The following ZNF831 variants were observed in gnomAD, a reference collection of about 807,000 sequenced individuals.
ZNF831 encodes zinc finger protein 831.
In ZNF831, 59 loss-of-function variants were observed where a neutral mutation model predicts 95.8. The ratio of observed to expected loss-of-function variants is 0.62; its 90% CI spans 0.50 to 0.77. The LOEUF is 0.77. Among genes scored for constraint, ZNF831 ranks in the 30% least tolerant of loss-of-function variants. ZNF831 has a pLI of 0.00. For synonymous variants in ZNF831, 961 were observed against 925.5 expected (o/e 1.04, Z -0.70); for missense variants, 2,205 against 2,164.0 (o/e 1.02, Z -0.38).
chr20:59,184,408 C>G (rs1039918887), intron 1 of ZNF831, among the ~76,000 whole-genome samples: 7 of 152,242 alleles, frequency 4.6e-5, no homozygotes, highest in African/African-American at 1.4e-4. Flanking sequence ...CCTCCCTCCC[C>G]CCTTTTTTTT....
intron 1 of ZNF831, among the ~76,000 whole-genome samples, chr20:59,174,437 G>A (rs906891213): frequency 3.9e-5 from 6 of 152,174 alleles, no homozygotes; most frequent in African/African-American, 1.4e-4. Context: ...GGAGTGAAGA[G>A]TAGAAATCTC....
chr20:59,193,074 C>G lies in ZNF831; in HGVS notation c.2055C>G (p.Ser685=), dbSNP rs372130636. ...GGACCCCTGTCCATGAGGACATATCCGCAGGGGCAACGCCAGAGCCTTGGG... is the reference window on the plus strand; with the variant it reads ...GGACCCCTGTCCATGAGGACATATCGGCAGGGGCAACGCCAGAGCCTTGGG... The part of the protein sequence containing the change: ...DRRTPVHEDI[S]AGATPEPWGN... Residue 685 remains serine (S), a synonymous_variant, in exon 2 of 6, where the codon TCC becomes TCG. Transcript: ENST00000371030. 3.8e-6 allele frequency: 6 copies of G among 1,593,270 alleles called. No individual in the cohort carries two copies. Among genetic ancestry groups the G allele is most frequent in the Non-Finnish European group, 4.3e-6 (5 of 1,170,022 alleles).
At position 59,254,005 on chromosome 20, in the gene ZNF831, C is replaced by A. The variant is rs757757308; in HGVS notation, c.4296C>A (p.Asp1432Glu). 2 of 1,614,018 alleles carry A rather than the reference C, an allele frequency of 1.2e-6. No homozygotes were observed. Among genetic ancestry groups the A allele is most frequent in the Non-Finnish European group, 1.7e-6 (2 of 1,180,024 alleles). ...ACACCTGCCTGGCAGTGGTTAATGACGTGCCTCTACCCCCTGGCAAAGGTC... is the reference window on the plus strand; with the variant it reads ...ACACCTGCCTGGCAGTGGTTAATGAAGTGCCTCTACCCCCTGGCAAAGGTC... ...QSDTCLAVVN[D>E]VPLPPGKGLD... Residue 1432 changes from aspartate (D) to glutamate (E), a missense_variant, in exon 6 of 6, where the codon GAC (aspartate) becomes GAA (glutamate). Asp to Glu is a conservative substitution (Grantham distance 45, BLOSUM62 2). Transcript: ENST00000371030. This position sits in a 1 kb window ranked among gnomAD's most constrained non-coding sequence, Gnocchi z 4.5.
chr20:59,192,197 G>A lies in ZNF831; in HGVS notation c.1178G>A (p.Arg393Gln), dbSNP rs1397049381. 2.5e-6 allele frequency: 4 copies of A among 1,575,824 alleles called. No homozygotes were observed. Among genetic ancestry groups the A allele is most frequent in the Non-Finnish European group, 3.4e-6 (4 of 1,162,646 alleles). Residue 393 changes from arginine (R) to glutamine (Q), a missense_variant, in exon 2 of 6, where the codon CGA (arginine) becomes CAA (glutamine). By Grantham distance (43) the Arg-to-Gln change is conservative (BLOSUM62 1). Transcript: ENST00000371030. The surrounding 1 kb of genome is among the most constrained non-coding windows in gnomAD (Gnocchi z 5.2). ...GTCGCAGGGGCCGAGCCCGGGGCGC[G>A]AGAAGCCGGCCTGGAGCTGGAGAAG... ...PGVAGAEPGA[R>Q]EAGLELEKKR...
intron 2 of ZNF831, among the ~76,000 whole-genome samples, chr20:59,150,357 C>T (rs934553065): frequency 1.3e-5 from 2 of 152,094 alleles, no homozygotes; most frequent in Non-Finnish European, 2.9e-5. Flanking sequence ...CAGTGGACCT[C>T]GGGTCACAGG....
intron 4 of ZNF831, among the ~76,000 whole-genome samples, chr20:59,223,755 C>T (rs1260405027): frequency 1.3e-5 from 2 of 152,230 alleles, no homozygotes; most frequent in Non-Finnish European, 2.9e-5. Context: ...TCTAGCTCTA[C>T]GGGGAAGGCA....
chr20:59,147,359 T>C (rs891773903), intron 2 of ZNF831, among the ~76,000 whole-genome samples: 1 of 152,218 alleles, frequency 6.6e-6, no homozygotes, highest in Non-Finnish European at 1.5e-5. Context: ...CCAGCCCTTC[T>C]TAATGGGAGC....
intron 4 of ZNF831, among the ~76,000 whole-genome samples, chr20:59,216,453 T>G (rs979302728): frequency 6.6e-6 from 1 of 152,236 alleles, no homozygotes; most frequent in Non-Finnish European, 1.5e-5. Flanking sequence ...AGTTTCACTC[T>G]GTCGCCCAGG....
At position 59,192,002 on chromosome 20, in the gene ZNF831, A is replaced by T. The variant is rs2146557827; in HGVS notation, c.983A>T (p.Asp328Val). The T allele has an allele frequency of 6.2e-7, 1 of 1,608,620 alleles. No individual in the cohort carries two copies. Among genetic ancestry groups the T allele is most frequent in the African/African-American group, 1.3e-5 (1 of 74,898 alleles). ...GCGACGGCAGCGGAGAAGCCCTGGG[A>T]TGCCAAGGCCCCCGAGGGCCGGCTG... ...QQATAAEKPW[D>V]AKAPEGRLRK... Residue 328 changes from aspartate (D) to valine (V), a missense_variant, in exon 2 of 6, where the codon GAT becomes GTT. Asp to Val is a radical substitution (Grantham distance 152, BLOSUM62 -3). Coordinates refer to ENST00000371030, the MANE Select transcript of ZNF831 (RefSeq NM_178457.3). This position sits in a 1 kb window ranked among gnomAD's most constrained non-coding sequence, Gnocchi z 5.2.
chr20:59,208,160 G>T lies in ZNF831; in HGVS notation c.4027+1104G>T, dbSNP rs536352910. On this transcript the variant is annotated intron_variant, in intron 4 of 5. Transcript: ENST00000371030. This position sits in a 1 kb window ranked among gnomAD's most constrained non-coding sequence, Gnocchi z 4.2. ...GTCAAGCCCCATGTGGGAGAGGCTGGGATGCAGGGGGTTGGGTAGGTGGAA... is the reference window on the plus strand; with the variant it reads ...GTCAAGCCCCATGTGGGAGAGGCTGTGATGCAGGGGGTTGGGTAGGTGGAA... 3.0e-4 allele frequency among the ~76,000 whole-genome samples: 45 copies of T among 152,236 alleles called. No individual in the cohort carries two copies. The highest frequency in any genetic ancestry group is 5.0e-4 in the Non-Finnish European group (34 of 68,044).
intron 3 of ZNF831, among the ~76,000 whole-genome samples, chr20:59,197,988 A>G (rs1039998262): frequency 1.3e-5 from 2 of 152,164 alleles, no homozygotes; most frequent in African/African-American, 4.8e-5. Flanking sequence ...CATCATTGGA[A>G]AGATGTGGGG....
At chr20:59,228,113 C>A (rs1295529919) in intron 4 of ZNF831, among the ~76,000 whole-genome samples, 2 of 152,162 alleles carry the variant, frequency 1.3e-5, no homozygotes, top group Admixed American at 6.5e-5. Context: ...TGTAACACAG[C>A]AGTATCTGCT....
At position 59,191,109 on chromosome 20, in the gene ZNF831, G is replaced by C; in HGVS notation, c.90G>C (p.Gln30His). The change falls in exon 2 of 6, where the codon CAG (glutamine) becomes CAC (histidine). Residue 30 changes from glutamine (Q) to histidine (H), a missense_variant. Physicochemically the swap from Gln to His is conservative, Grantham distance 24 (BLOSUM62 0). Transcript: ENST00000371030. ...TPGPPGAPGGQASPHLTLGPV... is the reference protein window; with the variant it reads ...TPGPPGAPGGHASPHLTLGPV... ...GCCCTCCAGGGGCCCCAGGTGGCCA[G>C]GCCTCACCTCACCTGACCCTGGGCC... The C allele has an allele frequency of 6.3e-7, 1 of 1,588,732 alleles. No homozygotes were observed. The highest frequency in any genetic ancestry group is 8.5e-7 in the Non-Finnish European group (1 of 1,173,292).
rs1490835711 is a variant in ZNF831 at position 59,192,699 on chromosome 20, C to T, written c.1680C>T (p.Ala560=). The T allele has an allele frequency of 6.3e-7, 1 of 1,589,474 alleles. No individual in the cohort carries two copies. The highest frequency in any genetic ancestry group is 1.3e-5 in the African/African-American group (1 of 74,538). ...ACGTTCCCAGTGGGCATCCCCGGGC[C>T]CTGGTCAGACAGGCCGCGGTGGAGG... is the stretch of plus-strand genomic sequence containing the variant. ...STDVPSGHPR[A]LVRQAAVEDL... is the part of the protein sequence containing the mutation. Residue 560 remains alanine (A), a synonymous_variant, in exon 2 of 6, where the codon GCC becomes GCT. Coordinates refer to ENST00000371030, the MANE Select transcript of ZNF831 (RefSeq NM_178457.3). This position sits in a 1 kb window ranked among gnomAD's most constrained non-coding sequence, Gnocchi z 5.2.
At position 59,164,106 on chromosome 20, in the gene ZNF831, C is replaced by T. The variant is rs1981064709; in HGVS notation, c.-138C>T. On this transcript the variant is annotated 5_prime_UTR_variant, in exon 1 of 6. Transcript: ENST00000371030. ...CTCATCTCTTCTCTGTGGGGCCAGC[C>T]CAGTGGTCCTTTCTGGACCTGTGGG... Among the ~76,000 whole-genome samples, 1 of 152,050 alleles carries T rather than the reference C, an allele frequency of 6.6e-6. No homozygotes were observed. The highest frequency in any genetic ancestry group is 1.9e-4 in the East Asian group (1 of 5,174).
chr20:59,191,223 C>G lies in ZNF831; in HGVS notation c.204C>G (p.Pro68=), dbSNP rs746677204. 1.9e-6 allele frequency: 3 copies of G among 1,555,528 alleles called. No individual in the cohort carries two copies. Among genetic ancestry groups the G allele is most frequent in the Middle Eastern group, 1.7e-4 (1 of 5,810 alleles). The part of the protein sequence containing the change: ...LPIPLYHTVP[P]GGLQPRAPLV... ...TCCCACTGTACCACACGGTGCCTCCCGGGGGCCTCCAGCCCCGCGCCCCGC... is the reference window on the plus strand; with the variant it reads ...TCCCACTGTACCACACGGTGCCTCCGGGGGGCCTCCAGCCCCGCGCCCCGC... Residue 68 remains proline, a synonymous_variant, in exon 2 of 6, where the codon CCC becomes CCG. Transcript: ENST00000371030.
rs140945114 is a variant in ZNF831 at position 59,198,207 on chromosome 20, A to C, written c.3875+2202A>C. 4.8e-3 allele frequency among the ~76,000 whole-genome samples: 730 copies of C among 152,316 alleles called. 3 individuals are homozygous for C. Among genetic ancestry groups the C allele is most frequent in the African/African-American group, 0.016 (678 of 41,558 alleles). ...TCACTCCAGGACACCTTGCAAACCC[A>C]CTAGCAGCTCTTGGGCCAAACACAG... On this transcript the variant is annotated intron_variant, in intron 3 of 5. Coordinates refer to ENST00000371030, the MANE Select transcript of ZNF831 (RefSeq NM_178457.3).
At chr20:59,232,772 A>T (rs951925230) in intron 4 of ZNF831, among the ~76,000 whole-genome samples, 2 of 152,210 alleles carry the variant, frequency 1.3e-5, no homozygotes, top group Admixed American at 1.3e-4. Context: ...CTGATATCCC[A>T]GCTAGTGGGA....
In ZNF831 at chr20:59,253,880, C is replaced by CTTTGCACTT; in HGVS notation, c.4189-16_4189-8dup. The CTTTGCACTT allele has an allele frequency of 1.6e-6, 1 of 621,700 alleles. No homozygotes were observed. The highest frequency in any genetic ancestry group is 2.3e-6 in the Non-Finnish European group (1 of 439,406). The allele number at this position is 621,700 out of a possible 1,614,324, so 38.5% of individuals were successfully genotyped here. A position where few individuals can be genotyped will look rare whatever the true frequency, so the allele number is the denominator to read the frequency against. ...AACCTCCCCCCCCACTTTTTTTTTC[C>CTTTGCACTT]TTTGCACTTTGTTGCAGGATATTTC... On this transcript the variant is annotated splice_polypyrimidine_tract_variant and intron_variant, in intron 5 of 5. Coordinates refer to ENST00000371030, the MANE Select transcript of ZNF831 (RefSeq NM_178457.3).
Sources: gnomAD v4.1 joint callset for allele counts (sites outside exome capture counted in the v4.1 genomes callset) on GRCh38, gnomAD v4.1.1 for gene constraint, Gnocchi (gnomAD v3.1) non-coding constraint, MANE v1.5 for transcripts, NCBI Gene and HGNC (gene_info 2026-07-23, HGNC 2026-07-21) for gene names.